Variants in MCC observed in about 807,000 individuals in gnomAD.
The protein encoded by MCC is MCC regulator of Wnt signaling pathway, also known as colorectal mutant cancer protein.
A neutral mutation model predicts 116.2 loss-of-function variants in MCC; 90 were observed. The observed-to-expected ratio is 0.77, with a 90% CI of 0.65 to 0.92. The LOEUF is 0.92. Among genes scored for constraint, MCC ranks in the 40% least tolerant of loss-of-function variants. The probability of loss-of-function intolerance (pLI) is 0.00; values close to 1 mark genes in which losing one functional copy is unlikely to be tolerated. For synonymous variants in MCC, 578 were observed against 510.5 expected (o/e 1.13, Z -1.78); for missense variants, 1,516 against 1,312.2 (o/e 1.16, Z -2.40).
At chr5:113,383,469 A>G (rs755334144) in intron 2 of MCC, among the ~76,000 whole-genome samples, 1 of 152,230 alleles carries the variant, frequency 6.6e-6, no homozygotes, top group African/African-American at 2.4e-5. Flanking sequence ...ACTGCAAGAT[A>G]CAAAATATGC....
At chr5:113,217,926 C>T (rs1158503313) in intron 3 of MCC, among the ~76,000 whole-genome samples, 1 of 151,990 alleles carries the variant, frequency 6.6e-6, no homozygotes, top group Non-Finnish European at 1.5e-5. Context: ...AACACATTTT[C>T]GGGGACTGAG....
intron 3 of MCC, among the ~76,000 whole-genome samples, chr5:113,230,358 A>T (rs563141321): frequency 6.6e-6 from 1 of 152,322 alleles, no homozygotes; most frequent in South Asian, 2.1e-4. Context: ...GGGAGAACTT[A>T]TATCTCATAC....
At chr5:113,107,102 G>A (rs1756782252) in intron 6 of MCC, among the ~76,000 whole-genome samples, 1 of 152,032 alleles carries the variant, frequency 6.6e-6, no homozygotes, top group Non-Finnish European at 1.5e-5. Context: ...AGAGAATAGG[G>A]TAGGCGGTCA....
intron 1 of MCC, among the ~76,000 whole-genome samples, chr5:113,463,227 G>A (rs1331650678): frequency 6.6e-6 from 1 of 152,124 alleles, no homozygotes; most frequent in East Asian, 1.9e-4. Context: ...AGCCTTTTTG[G>A]CCCTGCATGG....
At chr5:113,135,471 A>G (rs1300168308) in intron 5 of MCC, among the ~76,000 whole-genome samples, 7 of 148,894 alleles carry the variant, frequency 4.7e-5, no homozygotes, top group Non-Finnish European at 1.0e-4. Flanking sequence ...AGGCAGGAGA[A>G]TGGCGTGAAC....
intron 8 of MCC, among the ~76,000 whole-genome samples, chr5:113,086,946 C>T (rs10067164): frequency 0.02 from 3,058 of 152,284 alleles, 91 homozygotes; most frequent in African/African-American, 0.069. Flanking sequence ...CTAGTAAGCT[C>T]GCAAAAGATG....
At chr5:113,450,392 T>G (rs967551660) in intron 1 of MCC, among the ~76,000 whole-genome samples, 1 of 152,188 alleles carries the variant, frequency 6.6e-6, no homozygotes, top group Non-Finnish European at 1.5e-5. Flanking sequence ...GGCCTCGCCT[T>G]GGTGGGGACC....
intron 1 of MCC, among the ~76,000 whole-genome samples, chr5:113,410,369 T>C (rs1048003279): frequency 6.6e-6 from 1 of 152,238 alleles, no homozygotes; most frequent in Non-Finnish European, 1.5e-5. Context: ...AAAATTTATT[T>C]AATTGGTAAC....
intron 3 of MCC, among the ~76,000 whole-genome samples, chr5:113,158,804 G>A (rs539332848): frequency 2.0e-4 from 30 of 152,156 alleles, no homozygotes; most frequent in Non-Finnish European, 3.5e-4. Context: ...TAACAGTACC[G>A]GAGATAATAA....
At chr5:113,094,309 C>G (rs1460255513) in intron 8 of MCC, among the ~76,000 whole-genome samples, 1 of 151,824 alleles carries the variant, frequency 6.6e-6, no homozygotes, top group Non-Finnish European at 1.5e-5. Context: ...ATTTCCATCT[C>G]TCGGTAAGTT....
chr5:113,079,138 C>T (rs1221407602), intron 11 of MCC, among the ~76,000 whole-genome samples: 10 of 152,170 alleles, frequency 6.6e-5, no homozygotes, highest in Non-Finnish European at 1.2e-4. Context: ...AACTACAAAC[C>T]ACTGCTCAAC....
chr5:113,212,935 T>G (rs7723474), intron 3 of MCC, among the ~76,000 whole-genome samples: 8,783 of 152,296 alleles, frequency 0.058, 786 homozygotes, highest in African/African-American at 0.19. Flanking sequence ...AGTTCTGATG[T>G]TTCTTTACCT....
intron 17 of MCC, among the ~76,000 whole-genome samples, chr5:113,030,985 C>T (rs1465858113): frequency 6.6e-6 from 1 of 152,154 alleles, no homozygotes. Flanking sequence ...AATGTGACGT[C>T]GGGGTAGAAG....
chr5:113,068,514 G>A (rs919472966), intron 12 of MCC, among the ~76,000 whole-genome samples: 2 of 152,170 alleles, frequency 1.3e-5, no homozygotes, highest in African/African-American at 4.8e-5. Context: ...CCGCTGAGCC[G>A]GCACCCTGGT....
At chr5:113,316,445 G>A (rs899201002) in intron 3 of MCC, among the ~76,000 whole-genome samples, 1 of 152,064 alleles carries the variant, frequency 6.6e-6, no homozygotes, top group Non-Finnish European at 1.5e-5. Context: ...TGCTAGCACA[G>A]CCACTACCCA....
chr5:113,062,904 G>A (rs1052549937), intron 14 of MCC, among the ~76,000 whole-genome samples: 9 of 152,206 alleles, frequency 5.9e-5, no homozygotes, highest in Non-Finnish European at 1.3e-4. Context: ...CACCAAGAAA[G>A]CATCAGTATT....
chr5:113,179,254 T>A (rs1761491077), intron 3 of MCC, among the ~76,000 whole-genome samples: 1 of 151,962 alleles, frequency 6.6e-6, no homozygotes, highest in African/African-American at 2.4e-5. Context: ...CCCAGCCCCC[T>A]CCATCTGCTT....
intron 3 of MCC, chr5:113,322,978 A>G (rs1315764259): frequency 6.6e-6 from 1 of 152,358 alleles, no homozygotes; most frequent in African/African-American, 2.4e-5. Flanking sequence ...GCTAGGTCAT[A>G]AAAGACATTG....
At position 113,022,656 on chromosome 5, in the gene MCC, C is replaced by T. The variant is rs192929291; in HGVS notation, c.*4646G>A. The T allele has an allele frequency of 1.3e-5, 2 of 152,302 alleles. No individual in the cohort carries two copies. Among genetic ancestry groups the T allele is most frequent in the Non-Finnish European group, 2.9e-5 (2 of 68,028 alleles). The allele number at this position is 152,302 out of a possible 1,614,324, so 9.4% of individuals were successfully genotyped here. ...GTTCTACAAACAGAACATTTTTCCA[C>T]ATGAATTTGACTTGCAAAAAGTGCA... On this transcript the variant is annotated 3_prime_UTR_variant, in exon 19 of 19. Transcript: ENST00000408903.
Sources: allele counts gnomAD v4.1 joint callset (sites outside exome capture counted in the v4.1 genomes callset), GRCh38; gene constraint gnomAD v4.1.1; transcripts MANE v1.5; gene names NCBI Gene and HGNC (gene_info 2026-07-23, HGNC 2026-07-21).